The following SRGAP3 variants were observed in gnomAD, a reference collection of about 807,000 sequenced individuals.
SRGAP3 encodes SLIT-ROBO Rho GTPase-activating protein 3.
Under a neutral mutation model 121.1 loss-of-function variants are expected in SRGAP3, and 39 were observed. That is an observed-to-expected ratio of 0.32 (90% CI 0.25 to 0.42). SRGAP3 has a LOEUF of 0.42. Among genes scored for constraint, SRGAP3 ranks in the 10% least tolerant of loss-of-function variants. The pLI, the probability that SRGAP3 is intolerant of heterozygous loss-of-function variation, is 1.00. For synonymous variants in SRGAP3, 601 were observed against 570.0 expected (o/e 1.05, Z -0.77); for missense variants, 1,213 against 1,470.6 (o/e 0.82, Z 2.86).
rs538208463 is a variant in SRGAP3 at position 9,158,076 on chromosome 3, A to T, written c.68-33159T>A. 1.3e-4 allele frequency among the ~76,000 whole-genome samples: 20 copies of T among 152,346 alleles called. No individual in the cohort carries two copies. The South Asian group carries it at 3.7e-3, about 28-fold the overall frequency. On this transcript the variant is annotated intron_variant, in intron 1 of 21. Coordinates refer to ENST00000383836, the MANE Select transcript of SRGAP3 (RefSeq NM_014850.4). Reference sequence around the variant, plus strand: ...GGCTGAGCCCACCAGGACTGTCAGGACAACCCCAAGGCTGTGCTCCAGGAG... The same window carrying T: ...GGCTGAGCCCACCAGGACTGTCAGGTCAACCCCAAGGCTGTGCTCCAGGAG...
chr3:9,256,335 C>G (rs1409469968), intron 3 of SRGAP3, among the ~76,000 whole-genome samples: 1 of 152,212 alleles, frequency 6.6e-6, no homozygotes, highest in African/African-American at 2.4e-5. Context: ...ACTTCAAACA[C>G]CCAAGCCCTT....
At chr3:9,176,066 C>A (rs1334828391) in intron 1 of SRGAP3, among the ~76,000 whole-genome samples, 2 of 152,164 alleles carry the variant, frequency 1.3e-5, no homozygotes, top group African/African-American at 4.8e-5. Context: ...GGACTACAGG[C>A]ACGTGCCACC....
Position 9,347,169 on chromosome 3 carries a change from T to C in SRGAP3, n.214+15671A>G, listed in dbSNP as rs191579211. 1.6e-3 allele frequency among the ~76,000 whole-genome samples: 242 copies of C among 147,112 alleles called. 1 individual carries two copies. Among genetic ancestry groups the C allele is most frequent in the Non-Finnish European group, 3.1e-3 (210 of 67,956 alleles). ...CCCCTCCCAACTCTGTTGCTTTTTT[T>C]GTTTCTTTGTTTTTGAGACAGGGTA... On this transcript the variant is annotated intron_variant and non_coding_transcript_variant, in intron 1 of 3. Transcript: ENST00000490889.
chr3:9,362,066 G>C (rs527248018), intron 1 of SRGAP3, among the ~76,000 whole-genome samples: 1 of 150,070 alleles, frequency 6.7e-6, no homozygotes, highest in East Asian at 2.0e-4. Context: ...ATAAATCCCT[G>C]TCTTATTCTT....
chr3:9,264,506 A>C (rs1319242181), intron 3 of SRGAP3, among the ~76,000 whole-genome samples: 1 of 152,248 alleles, frequency 6.6e-6, no homozygotes, highest in African/African-American at 2.4e-5. Context: ...GTAAGCTGAT[A>C]AGCAACTTCA....
chr3:9,113,438 T>C (rs973952874), intron 2 of SRGAP3, among the ~76,000 whole-genome samples: 1 of 152,204 alleles, frequency 6.6e-6, no homozygotes, highest in African/African-American at 2.4e-5. Context: ...TTCCTTTTTT[T>C]GTAAAGATAC....
chr3:9,280,973 G>A (rs562046558), intron 3 of SRGAP3, among the ~76,000 whole-genome samples: 13 of 152,236 alleles, frequency 8.5e-5, no homozygotes, highest in Admixed American at 2.0e-4. Flanking sequence ...GAATTGTTGG[G>A]GGTGGTGGGA....
chr3:9,350,952 TG>T (rs1210399489), intron 1 of SRGAP3, among the ~76,000 whole-genome samples: 1 of 152,222 alleles, frequency 6.6e-6, no homozygotes, highest in Non-Finnish European at 1.5e-5. Flanking sequence ...AGGTGAGTTC[TG>T]GGCTCACCTA....
At chr3:9,153,469 C>A (rs1575153908) in intron 1 of SRGAP3, among the ~76,000 whole-genome samples, 1 of 152,284 alleles carries the variant, frequency 6.6e-6, no homozygotes, top group East Asian at 1.9e-4. Flanking sequence ...ATATCCTTAC[C>A]CACATTCTAC....
intron 1 of SRGAP3, among the ~76,000 whole-genome samples, chr3:9,128,487 A>C (rs1949322268): frequency 6.6e-6 from 1 of 152,264 alleles, no homozygotes; most frequent in African/African-American, 2.4e-5. Context: ...AAGAAGGTAA[A>C]GAAAGGAGCA....
chr3:9,224,607 T>G (rs1952926012), intron 1 of SRGAP3, among the ~76,000 whole-genome samples: 1 of 152,160 alleles, frequency 6.6e-6, no homozygotes, highest in African/African-American at 2.4e-5. Context: ...GGCGAGTCCT[T>G]AAACAGAGAG....
chr3:9,064,434 G>A lies in SRGAP3; in HGVS notation c.634C>T (p.Arg212Cys), dbSNP rs753657714. Residue 212 changes from arginine to cysteine, a missense_variant, in exon 5 of 22, where the codon CGC (arginine) becomes TGC (cysteine). Arg to Cys is a radical substitution (Grantham distance 180). This residue lies in a region of SRGAP3 where 793 missense variants were observed against 1,032.9 expected (regional missense o/e 0.77). Coordinates refer to ENST00000383836, the MANE Select transcript of SRGAP3 (RefSeq NM_014850.4). The stretch of plus-strand genomic sequence containing the variant: ...TTCTCAATCTTCTTCACAGAGCTGC[G>A]GCGCTGGGGCCGGTCCTCGTGCCGG... ...LLRHEDRPQRRSSVKKIEKMK... is the reference protein window; with the variant it reads ...LLRHEDRPQRCSSVKKIEKMK... 3.1e-6 allele frequency: 5 copies of A among 1,614,082 alleles called. No individual in the cohort carries two copies. Among genetic ancestry groups the A allele is most frequent in the East Asian group, 2.2e-5 (1 of 44,882 alleles).
At chr3:9,096,377 T>C (rs1947966589) in intron 3 of SRGAP3, among the ~76,000 whole-genome samples, 2 of 152,210 alleles carry the variant, frequency 1.3e-5, no homozygotes, top group Admixed American at 6.5e-5. Context: ...TTTTCTAATG[T>C]ATGCATTTCA....
intron 1 of SRGAP3, among the ~76,000 whole-genome samples, chr3:9,247,484 G>C (rs1468566533): frequency 2.0e-5 from 3 of 152,124 alleles, no homozygotes; most frequent in Non-Finnish European, 4.4e-5. Flanking sequence ...AAAAAAAACA[G>C]ATCCCTCCCC....
chr3:9,115,843 A>T (rs73019316), intron 2 of SRGAP3, among the ~76,000 whole-genome samples: 10,290 of 152,056 alleles, frequency 0.068, 413 homozygotes, highest in African/African-American at 0.082. Context: ...TTTCAGCTTT[A>T]AAAAAAACAG....
rs867494269 is a variant in SRGAP3, at chr3:9,160,131, T to C, written c.68-35214A>G. Among the ~76,000 whole-genome samples the C allele has an allele frequency of 1.1e-4, 17 of 152,310 alleles. No homozygotes were observed. The Middle Eastern group carries it at 0.02, about 183-fold the overall frequency. ...CAAGTCATTTAATTGCTCAGAGTAA[T>C]ACCTACCTCACAGGGTTATGGTGCA... On this transcript the variant is annotated intron_variant, in intron 1 of 21. Coordinates refer to ENST00000383836, the MANE Select transcript of SRGAP3 (RefSeq NM_014850.4).
chr3:9,075,497 G>C (rs1372419380), intron 4 of SRGAP3, among the ~76,000 whole-genome samples: 3 of 152,190 alleles, frequency 2.0e-5, no homozygotes, highest in Non-Finnish European at 4.4e-5. Context: ...TAAGGACTAG[G>C]CTTATTGAGT....
At chr3:9,081,422 C>T (rs1178707072) in intron 3 of SRGAP3, 1 of 370,434 alleles carries the variant, frequency 2.7e-6, no homozygotes, top group African/African-American at 2.1e-5. Flanking sequence ...TCACTTCCCC[C>T]TTTGAGCCTC....
chr3:9,136,898 AG>A (rs1204253559), intron 1 of SRGAP3, among the ~76,000 whole-genome samples: 3 of 152,206 alleles, frequency 2.0e-5, no homozygotes, highest in African/African-American at 7.2e-5. Context: ...GGCTGAGTTC[AG>A]AGCCTGACCT....
Sources: allele counts gnomAD v4.1 joint callset (sites outside exome capture counted in the v4.1 genomes callset), GRCh38; gene constraint gnomAD v4.1.1; regional missense constraint gnomAD v4.1.1; transcripts MANE v1.5; gene names NCBI Gene and HGNC (gene_info 2026-07-23, HGNC 2026-07-21).